The following YBEY variants were observed in gnomAD, a reference collection of about 807,000 sequenced individuals.
YBEY encodes ybeY metalloendoribonuclease, also known as endoribonuclease YbeY.
In YBEY, 15 loss-of-function variants were observed where a neutral mutation model predicts 13.5. The observed-to-expected ratio is 1.11, with a 90% confidence interval of 0.75 to 1.72. The LOEUF (loss-of-function observed/expected upper bound fraction) is 1.72, where lower values mean the gene tolerates loss of function less well. YBEY is among the 40% of genes most tolerant of loss of function. YBEY has a pLI of 0.00. For missense variants in YBEY, 244 were observed against 208.4 expected, an observed-to-expected ratio of 1.17 and a Z score of -1.05; for synonymous variants, 101 against 83.1, an observed-to-expected ratio of 1.21 and a Z score of -1.17.
chr21:46,301,816 C>T, downstream of YBEY: 2 of 1,262,100 alleles, frequency 1.6e-6, no homozygotes. Flanking sequence ...CTGGAATGGC[C>T]CCGTGACCAG....
chr21:46,301,862 G>A (rs2082118830), downstream of YBEY: 4 of 1,288,452 alleles, frequency 3.1e-6, no homozygotes, highest in East Asian at 9.3e-5. Context: ...GGAGGAGCCT[G>A]CAGTCCACAC....
the YBEY span, among the ~76,000 whole-genome samples, chr21:46,312,099 C>T: frequency 2.4e-4 from 37 of 152,204 alleles, no homozygotes; most frequent in African/African-American, 8.4e-4. Flanking sequence ...ATCCAACCAG[C>T]CAACCATCTA....
downstream of YBEY, chr21:46,301,797 G>A: frequency 1.6e-6 from 2 of 1,246,134 alleles, no homozygotes; most frequent in Non-Finnish European, 2.0e-6. Flanking sequence ...CCGGAGCAAG[G>A]GATGCCCCCT....
chr21:46,298,608 T>A (rs1173052386), downstream of YBEY, among the ~76,000 whole-genome samples: 2 of 151,066 alleles, frequency 1.3e-5, no homozygotes, highest in Non-Finnish European at 2.9e-5. Context: ...TTTTTGTATT[T>A]TTAGTAGAGA....
the YBEY span, among the ~76,000 whole-genome samples, chr21:46,308,970 C>A: frequency 6.6e-6 from 1 of 152,156 alleles, no homozygotes; most frequent in Admixed American, 6.5e-5. Context: ...TGCCCCCGAA[C>A]CTTGCACTCC....
chr21:46,286,802 G>GC, intron 1 of YBEY, 68 bp from the exon 2 acceptor site: 1 of 871,358 alleles, frequency 1.1e-6, no homozygotes, highest in East Asian at 2.6e-5. Context: ...GATTGCGCGT[G>GC]CATCTGTATT....
chr21:46,311,515 A>G, the YBEY span: 13 of 1,612,640 alleles, frequency 8.1e-6, no homozygotes, highest in Admixed American at 3.3e-5. Flanking sequence ...AATCTGTGCT[A>G]TGAGTGGCTG....
At chr21:46,305,461 C>T in the YBEY span, among the ~76,000 whole-genome samples, 1 of 151,688 alleles carries the variant, frequency 6.6e-6, no homozygotes, top group South Asian at 2.1e-4. Context: ...TCCCAAGTAG[C>T]TGGGACCACA....
At chr21:46,308,541 A>G in the YBEY span, among the ~76,000 whole-genome samples, 1 of 152,190 alleles carries the variant, frequency 6.6e-6, no homozygotes, top group African/African-American at 2.4e-5. Context: ...GCATACATCC[A>G]CAGAAAGACT....
downstream of YBEY, chr21:46,300,331 TGA>T (rs1279681422): frequency 1.9e-5 from 3 of 157,142 alleles, no homozygotes; most frequent in African/African-American, 7.2e-5. Context: ...CACGGGAGGC[TGA>T]GGCAGGAGAA....
downstream of YBEY, among the ~76,000 whole-genome samples, chr21:46,298,575 G>C (rs567635217): frequency 7.3e-5 from 11 of 151,390 alleles, no homozygotes; most frequent in Admixed American, 4.0e-4. Context: ...GACTACAGGC[G>C]CCCGCCACCT....
At chr21:46,288,752 C>T (rs2081574626) in intron 2 of YBEY, among the ~76,000 whole-genome samples, 1 of 151,502 alleles carries the variant, frequency 6.6e-6, no homozygotes, top group African/African-American at 2.4e-5. Flanking sequence ...AATTTATTGG[C>T]TGGGCCTATA....
chr21:46,312,893 G>A, the YBEY span: 2 of 587,694 alleles, frequency 3.4e-6, no homozygotes, highest in Non-Finnish European at 4.3e-6. Context: ...ATATACTGTA[G>A]TACATATATA....
At chr21:46,290,821 G>A (rs1324899752) in intron 2 of YBEY, among the ~76,000 whole-genome samples, 41 of 151,840 alleles carry the variant, frequency 2.7e-4, no homozygotes, top group Admixed American at 2.7e-3. Flanking sequence ...CAAGGCGGGT[G>A]GATCACCTGA....
At chr21:46,307,817 G>A in the YBEY span, among the ~76,000 whole-genome samples, 1 of 152,146 alleles carries the variant, frequency 6.6e-6, no homozygotes, top group Non-Finnish European at 1.5e-5. Context: ...AATTCCATTA[G>A]TCATTAGGGC....
At chr21:46,294,781 A>C (rs1056442795) in intron 3 of YBEY, among the ~76,000 whole-genome samples, 1 of 147,852 alleles carries the variant, frequency 6.8e-6, no homozygotes, top group African/African-American at 2.5e-5. Flanking sequence ...AAAAAAGGAA[A>C]AGCATTCTGA....
chr21:46,308,878 C>T, the YBEY span, among the ~76,000 whole-genome samples: 1 of 152,168 alleles, frequency 6.6e-6, no homozygotes, highest in Non-Finnish European at 1.5e-5. Context: ...CTGAGCTAGC[C>T]ATCAGCACAC....
At chr21:46,311,606 T>C in the YBEY span, 1 of 1,282,718 alleles carries the variant, frequency 7.8e-7, no homozygotes, top group East Asian at 2.4e-5. Flanking sequence ...GCATATGTCC[T>C]TGAAGAAAGT....
chr21:46,306,025 A>G, the YBEY span, among the ~76,000 whole-genome samples: 24 of 150,334 alleles, frequency 1.6e-4, no homozygotes, highest in Non-Finnish European at 3.2e-4. Flanking sequence ...GCTTGAGGCC[A>G]GGAGTTTTGG....
Sources: allele counts gnomAD v4.1 joint callset (sites outside exome capture counted in the v4.1 genomes callset), GRCh38; gene constraint gnomAD v4.1.1; transcripts MANE v1.5; gene names NCBI Gene and HGNC (gene_info 2026-07-23, HGNC 2026-07-21).